BBOX1: variants seen among roughly 807,000 people sequenced by gnomAD.
The protein encoded by BBOX1 is gamma-butyrobetaine dioxygenase.
A neutral mutation model predicts 41.6 loss-of-function variants in BBOX1; 35 were observed. The ratio of observed to expected loss-of-function variants is 0.84; its 90% confidence interval spans 0.64 to 1.11. The LOEUF (loss-of-function observed/expected upper bound fraction) is 1.11, where lower values mean the gene tolerates loss of function less well. Among genes scored for constraint, BBOX1 ranks in the 50% most tolerant of loss-of-function variants. BBOX1 has a pLI of 0.00. For missense variants in BBOX1, 458 were observed against 460.6 expected (o/e 0.99, Z 0.05); for synonymous variants, 163 against 154.7 (o/e 1.05, Z -0.40).
intron 4 of BBOX1, among the ~76,000 whole-genome samples, chr11:27,080,793 A>G (rs1316779990): frequency 1.3e-5 from 2 of 152,104 alleles, no homozygotes; most frequent in Non-Finnish European, 2.9e-5. Flanking sequence ...AAACATAAGA[A>G]ACAGTCAGAT....
chr11:27,064,090 A>C (rs571002583), intron 4 of BBOX1, among the ~76,000 whole-genome samples: 2 of 152,220 alleles, frequency 1.3e-5, no homozygotes, highest in East Asian at 3.9e-4. Flanking sequence ...TGCTACATCC[A>C]TTCTTGAATT....
At chr11:27,072,774 A>G (rs2133996964) in intron 4 of BBOX1, among the ~76,000 whole-genome samples, 1 of 152,322 alleles carries the variant, frequency 6.6e-6, no homozygotes, top group East Asian at 1.9e-4. Context: ...CCACACATCT[A>G]CAACCATCTG....
chr11:27,051,367 C>T (rs11029802), intron 2 of BBOX1, among the ~76,000 whole-genome samples: 31,220 of 151,754 alleles, frequency 0.21, 4,126 homozygotes, highest in African/African-American at 0.38. Flanking sequence ...GGAAGTATTC[C>T]CTCTCTGTCA....
intron 6 of BBOX1, 67 bp downstream of exon 6, chr11:27,115,624 C>A: frequency 7.3e-7 from 1 of 1,374,352 alleles, no homozygotes; most frequent in South Asian, 1.3e-5. Flanking sequence ...TATTTTGAGT[C>A]TAGAAGATTA....
At chr11:27,055,694 A>T (rs1177023147) in intron 3 of BBOX1, 45 bp downstream of exon 3, 5 of 1,536,140 alleles carry the variant, frequency 3.3e-6, no homozygotes, top group Non-Finnish European at 4.5e-6. Context: ...CAAGTTCAAT[A>T]ATGGGGCTAG....
At chr11:27,115,661 T>C in intron 6 of BBOX1, 104 bp downstream of exon 6, 1 of 1,010,508 alleles carries the variant, frequency 9.9e-7, no homozygotes. Context: ...GTTTGTCTTT[T>C]ATAAATTTTT....
At chr11:27,081,081 A>T (rs573987498) in intron 4 of BBOX1, among the ~76,000 whole-genome samples, 1 of 152,256 alleles carries the variant, frequency 6.6e-6, no homozygotes, top group East Asian at 1.9e-4. Flanking sequence ...TTGAATCCAG[A>T]TTTTTCACCT....
intron 3 of BBOX1, among the ~76,000 whole-genome samples, chr11:27,056,085 T>A (rs1192365562): frequency 6.6e-6 from 1 of 152,144 alleles, no homozygotes; most frequent in African/African-American, 2.4e-5. Context: ...TAGATAGAAA[T>A]GTTGTTTACT....
At chr11:27,059,820 G>A (rs1234228206) in intron 4 of BBOX1, among the ~76,000 whole-genome samples, 2 of 152,128 alleles carry the variant, frequency 1.3e-5, no homozygotes, top group African/African-American at 4.8e-5. Flanking sequence ...TCTTTTGGTT[G>A]ATTTCTCCCT....
intron 4 of BBOX1, among the ~76,000 whole-genome samples, chr11:27,084,049 C>G (rs2134021603): frequency 6.6e-6 from 1 of 152,208 alleles, no homozygotes; most frequent in South Asian, 2.1e-4. Flanking sequence ...CTGCCTGAGA[C>G]AGCATGCTTG....
At chr11:27,095,759 T>C (rs1195906673) in intron 5 of BBOX1, among the ~76,000 whole-genome samples, 1 of 152,050 alleles carries the variant, frequency 6.6e-6, no homozygotes, top group Non-Finnish European at 1.5e-5. Flanking sequence ...TTTATTTGCT[T>C]TTTTGTTTTT....
rs368431313 is a variant in BBOX1, at chr11:27,095,346, G to A, written c.533+1980G>A. On this transcript the variant is annotated intron_variant, in intron 5 of 8. Transcript: ENST00000263182. Reference sequence around the variant, plus strand: ...CTACCCTGCAAAACCATCACACTAGGGGTCACAATCTAAGCTTGATTTATT... The same window carrying A: ...CTACCCTGCAAAACCATCACACTAGAGGTCACAATCTAAGCTTGATTTATT... Among the ~76,000 whole-genome samples, 19 of 151,404 alleles carry A rather than the reference G, an allele frequency of 1.3e-4. No homozygotes were observed. In the East Asian group the frequency reaches 3.3e-3, roughly 26 times the overall value.
intron 7 of BBOX1, among the ~76,000 whole-genome samples, chr11:27,121,605 A>C (rs1859467874): frequency 6.6e-6 from 1 of 152,152 alleles, no homozygotes; most frequent in Non-Finnish European, 1.5e-5. Context: ...ATGTATAAAC[A>C]GATTGTTTTC....
At chr11:27,103,129 G>A (rs182195157) in intron 5 of BBOX1, among the ~76,000 whole-genome samples, 24 of 152,256 alleles carry the variant, frequency 1.6e-4, no homozygotes, top group African/African-American at 5.8e-4. Context: ...GGCGGAGGTT[G>A]CAGTGATCAT....
chr11:27,089,215 T>C (rs910147451), intron 4 of BBOX1, among the ~76,000 whole-genome samples: 2 of 117,692 alleles, frequency 1.7e-5, no homozygotes, highest in Non-Finnish European at 1.9e-5. Flanking sequence ...ATAAACACTT[T>C]AGTGCCTCTG....
At position 27,085,566 on chromosome 11, in the gene BBOX1, T is replaced by G. The variant is rs865912347; in HGVS notation, c.335-7602T>G. ...AGCCACATTCCCCCATCTCTCTCTC[T>G]CTCTCTCTCTCTCTCTCTCTCTCTC... On this transcript the variant is annotated intron_variant, in intron 4 of 8. Coordinates refer to ENST00000263182, the MANE Select transcript of BBOX1 (RefSeq NM_003986.3). 7.8e-3 allele frequency among the ~76,000 whole-genome samples: 1,186 copies of G among 151,386 alleles called. 18 individuals carry two copies. Among genetic ancestry groups the G allele is most frequent in the African/African-American group, 0.027 (1,121 of 41,190 alleles).
chr11:27,074,648 A>G (rs1290883513), intron 4 of BBOX1, among the ~76,000 whole-genome samples: 1 of 152,232 alleles, frequency 6.6e-6, no homozygotes, highest in Non-Finnish European at 1.5e-5. Context: ...AGAAATTTCT[A>G]AGCAGCAAAG....
chr11:27,062,341 C>T (rs2065973428), intron 4 of BBOX1, among the ~76,000 whole-genome samples: 1 of 152,154 alleles, frequency 6.6e-6, no homozygotes, highest in African/African-American at 2.4e-5. Flanking sequence ...AAGAGTTTTC[C>T]CAACAAGGGC....
intron 2 of BBOX1, among the ~76,000 whole-genome samples, chr11:27,048,367 G>A (rs1163644146): frequency 6.6e-6 from 1 of 151,934 alleles, no homozygotes; most frequent in Non-Finnish European, 1.5e-5. Flanking sequence ...TTGTCTTTCT[G>A]TGCCTGACTT....
Sources: gnomAD v4.1 joint callset for allele counts (sites outside exome capture counted in the v4.1 genomes callset) on GRCh38, gnomAD v4.1.1 for gene constraint, MANE v1.5 for transcripts, NCBI Gene and HGNC (gene_info 2026-07-23, HGNC 2026-07-21) for gene names.